The following KIAA1328 variants were observed in gnomAD, a reference collection of about 807,000 sequenced individuals.
KIAA1328 encodes the protein KIAA1328.
KIAA1328 carries 52 observed loss-of-function variants against 68.1 expected under a neutral mutation model. The observed-to-expected ratio is 0.76, with a 90% CI of 0.61 to 0.96. The LOEUF is 0.96. KIAA1328 is among the 40% of genes least tolerant of loss of function. KIAA1328 has a pLI of 0.00. For synonymous variants in KIAA1328, 232 were observed against 239.4 expected, an observed-to-expected ratio of 0.97 and a Z score of 0.28; for missense variants, 641 against 677.6, an observed-to-expected ratio of 0.95 and a Z score of 0.60.
Position 37,042,104 on chromosome 18 carries a change from C to A in KIAA1328, c.577-24786C>A, listed in dbSNP as rs1180649866. On this transcript the variant is annotated intron_variant, in intron 6 of 9. Transcript: ENST00000280020. ...GTAGAGTTAGGTTTTCACCGTGTTG[C>A]CCAGGCTGGTCTCGAACTTCTGGGC... 2.0e-5 allele frequency among the ~76,000 whole-genome samples: 3 copies of A among 152,108 alleles called. No homozygotes were observed. In the East Asian group the frequency reaches 5.8e-4, roughly 29 times the overall value.
At chr18:37,076,336 G>A (rs1295258960) in intron 7 of KIAA1328, among the ~76,000 whole-genome samples, 2 of 152,072 alleles carry the variant, frequency 1.3e-5, no homozygotes, top group African/African-American at 2.4e-5. Context: ...TCAAAGCAGT[G>A]TGTAGAGGGA....
chr18:37,073,914 A>C lies in KIAA1328; in HGVS notation c.1232+6369A>C, dbSNP rs568121063. ...TCTTATTCAAGTTGAGATTATCTTC[A>C]TTTGTGGCATGATGAGTGATTTTTA... On this transcript the variant is annotated intron_variant, in intron 7 of 9. Transcript: ENST00000280020. Among the ~76,000 whole-genome samples, 4 of 152,214 alleles carry C rather than the reference A, an allele frequency of 2.6e-5. No homozygotes were observed. The South Asian group carries it at 8.3e-4, about 32-fold the overall frequency.
chr18:36,949,773 C>A (rs574823257), intron 5 of KIAA1328, among the ~76,000 whole-genome samples: 10 of 152,228 alleles, frequency 6.6e-5, no homozygotes, highest in African/African-American at 2.2e-4. Context: ...GAGTGGGTCA[C>A]TTGAGTCTTG....
intron 9 of KIAA1328, among the ~76,000 whole-genome samples, chr18:37,197,251 T>G (rs2060021168): frequency 6.6e-6 from 1 of 152,242 alleles, no homozygotes; most frequent in East Asian, 1.9e-4. Context: ...TGATTTTGTT[T>G]ATCTTTTTTA....
chr18:37,109,554 CT>C (rs1449667315), intron 7 of KIAA1328, among the ~76,000 whole-genome samples: 4 of 151,938 alleles, frequency 2.6e-5, no homozygotes, highest in African/African-American at 9.7e-5. Context: ...TGACTGCATT[CT>C]TTTTTCCTAG....
intron 5 of KIAA1328, among the ~76,000 whole-genome samples, chr18:36,942,212 G>A (rs374341880): frequency 1.3e-5 from 2 of 152,156 alleles, no homozygotes; most frequent in African/African-American, 2.4e-5. Context: ...GCCTGTTGGC[G>A]CATATTTTAA....
In KIAA1328 at chr18:36,855,822, T is replaced by C. The variant is rs543717043; in HGVS notation, c.332+11520T>C. Among the ~76,000 whole-genome samples, 3 of 152,036 alleles carry C rather than the reference T, an allele frequency of 2.0e-5. No individual in the cohort carries two copies. In the East Asian group the frequency reaches 5.8e-4, roughly 29 times the overall value. On this transcript the variant is annotated intron_variant, in intron 4 of 9. Transcript: ENST00000280020. Reference sequence around the variant, plus strand: ...AACTATTATATTTTAACTATTATATTGAAGTAGTTAATTCATTTTGAGTTA... The same window carrying C: ...AACTATTATATTTTAACTATTATATCGAAGTAGTTAATTCATTTTGAGTTA...
intron 7 of KIAA1328, among the ~76,000 whole-genome samples, chr18:37,093,494 A>G (rs1459483678): frequency 6.6e-6 from 1 of 152,196 alleles, no homozygotes; most frequent in Non-Finnish European, 1.5e-5. Context: ...GAAGAATCCA[A>G]TGAATAACAT....
At chr18:37,219,937 G>A (rs1405192185) in intron 9 of KIAA1328, among the ~76,000 whole-genome samples, 1 of 152,150 alleles carries the variant, frequency 6.6e-6, no homozygotes, top group Non-Finnish European at 1.5e-5. Flanking sequence ...GCAGACTGGT[G>A]CTGTTCCTAT....
At chr18:37,127,530 G>A (rs532987979) in intron 7 of KIAA1328, among the ~76,000 whole-genome samples, 2 of 151,970 alleles carry the variant, frequency 1.3e-5, no homozygotes, top group South Asian at 2.1e-4. Flanking sequence ...GCAATGTAGG[G>A]GGACCCTATC....
At chr18:36,880,513 C>T (rs1485271371) in intron 4 of KIAA1328, among the ~76,000 whole-genome samples, 2 of 152,114 alleles carry the variant, frequency 1.3e-5, no homozygotes, top group African/African-American at 4.8e-5. Context: ...AATCATGTCA[C>T]CAGCACATAA....
intron 4 of KIAA1328, among the ~76,000 whole-genome samples, chr18:36,850,046 G>A (rs939044862): frequency 6.6e-6 from 1 of 151,886 alleles, no homozygotes; most frequent in African/African-American, 2.4e-5. Flanking sequence ...TAAAATTGGG[G>A]TGTTTTTCTT....
intron 7 of KIAA1328, chr18:37,075,185 C>T (rs1399622546): frequency 6.6e-6 from 1 of 151,782 alleles, no homozygotes; most frequent in Non-Finnish European, 1.5e-5. Flanking sequence ...ATTCAACATT[C>T]TTAAAGAAAA....
chr18:36,833,600 A>G (rs1049488817), intron 1 of KIAA1328, among the ~76,000 whole-genome samples: 5 of 152,218 alleles, frequency 3.3e-5, no homozygotes, highest in African/African-American at 9.6e-5. Context: ...ATAGGCTGTT[A>G]AGGGAACATG....
intron 8 of KIAA1328, among the ~76,000 whole-genome samples, chr18:37,172,429 C>T (rs1343797596): frequency 6.6e-6 from 1 of 152,162 alleles, no homozygotes. Context: ...CAGGCAGTTC[C>T]TGGGAGGATA....
Position 37,160,435 on chromosome 18 carries a change from GC to G in KIAA1328, c.1414+55del, listed in dbSNP as rs1192816978. Reference sequence around the variant, plus strand: ...GAGAAACTGGTAGGGGAAGGTAGTTGCTAGCCAATGAATTTCAGATGATTTC... The same window carrying G: ...GAGAAACTGGTAGGGGAAGGTAGTTGTAGCCAATGAATTTCAGATGATTTC... On this transcript the variant is annotated intron_variant, in intron 8 of 9. Transcript: ENST00000280020. 5 of 1,479,950 alleles carry G rather than the reference GC, an allele frequency of 3.4e-6. No individual in the cohort carries two copies. In the Admixed American group the frequency reaches 5.9e-5, roughly 17 times the overall value. 91.7% of individuals were successfully genotyped at this position (1,479,950 alleles called of 1,614,324 possible).
intron 7 of KIAA1328, chr18:37,084,041 C>A: frequency 1.6e-6 from 1 of 611,908 alleles, no homozygotes; most frequent in Non-Finnish European, 2.4e-6. Flanking sequence ...GGGGATCTAG[C>A]TGAAAGAGCA....
chr18:37,153,391 G>A (rs2059080235), intron 7 of KIAA1328, among the ~76,000 whole-genome samples: 1 of 152,078 alleles, frequency 6.6e-6, no homozygotes, highest in African/African-American at 2.4e-5. Flanking sequence ...TACAGAAAAT[G>A]GCAGCCAGTT....
rs2060611220 is a variant in KIAA1328 at position 37,224,284 on chromosome 18, G to A, written c.*2057G>A. The A allele has an allele frequency of 1.8e-5, 18 of 985,296 alleles. No individual in the cohort carries two copies. In the South Asian group the frequency reaches 8.0e-4, roughly 44 times the overall value. The allele number at this position is 985,296 out of a possible 1,614,324, so 61.0% of individuals were successfully genotyped here. Reference sequence around the variant, plus strand: ...GGATCACAGTTTCTTGAAGAAGCTTGTTTGCCTTTAGAAGAATCGTAAACA... The same window carrying A: ...GGATCACAGTTTCTTGAAGAAGCTTATTTGCCTTTAGAAGAATCGTAAACA... On this transcript the variant is annotated 3_prime_UTR_variant, in exon 10 of 10. Coordinates refer to ENST00000280020, the MANE Select transcript of KIAA1328 (RefSeq NM_020776.3).
Sources: gnomAD v4.1 joint callset for allele counts (sites outside exome capture counted in the v4.1 genomes callset) on GRCh38, gnomAD v4.1.1 for gene constraint, MANE v1.5 for transcripts, NCBI Gene and HGNC (gene_info 2026-07-23, HGNC 2026-07-21) for gene names.